The following MRTFB variants were observed in gnomAD, a reference collection of about 807,000 sequenced individuals.
MRTFB encodes myocardin-related transcription factor B.
A neutral mutation model predicts 104.2 loss-of-function variants in MRTFB; 29 were observed. The ratio of observed to expected loss-of-function variants is 0.28; its 90% CI spans 0.21 to 0.38. The LOEUF is 0.38. Ranked by LOEUF, MRTFB falls within the 10% of genes least tolerant of loss-of-function variation. MRTFB has a pLI of 1.00. For synonymous variants in MRTFB, 535 were observed against 519.5 expected (o/e 1.03, Z -0.41); for missense variants, 1,270 against 1,341.6 (o/e 0.95, Z 0.83).
At chr16:14,118,046 TATAAA>T (rs2036632405) in intron 2 of MRTFB, among the ~76,000 whole-genome samples, 1 of 152,072 alleles carries the variant, frequency 6.6e-6, no homozygotes, top group African/African-American at 2.4e-5. Flanking sequence ...GAAAAAATGA[TATAAA>T]ATAGAATAGA....
chr16:14,029,469 AAC>A, the MRTFB span, among the ~76,000 whole-genome samples: 2 of 128,830 alleles, frequency 1.6e-5, no homozygotes, highest in Non-Finnish European at 1.7e-5. Flanking sequence ...CATATATATA[AAC>A]ACACACATAT....
intron 3 of MRTFB, among the ~76,000 whole-genome samples, chr16:14,183,252 C>T (rs1422615411): frequency 1.3e-5 from 2 of 152,086 alleles, no homozygotes; most frequent in Non-Finnish European, 2.9e-5. Flanking sequence ...ATCCTAAGGA[C>T]AGAACAGACA....
At chr16:14,005,907 G>A in the MRTFB span, among the ~76,000 whole-genome samples, 4 of 152,226 alleles carry the variant, frequency 2.6e-5, no homozygotes, top group African/African-American at 7.2e-5. Flanking sequence ...CCACTGCCAA[G>A]CTTAAGAATG....
intron 2 of MRTFB, among the ~76,000 whole-genome samples, chr16:14,087,373 G>A (rs557871799): frequency 6.6e-6 from 1 of 152,250 alleles, no homozygotes; most frequent in South Asian, 2.1e-4. Context: ...CTAACTCTGG[G>A]CACTTTGTTT....
chr16:14,151,312 A>T (rs1289883474), intron 3 of MRTFB: 3 of 152,224 alleles, frequency 2.0e-5, no homozygotes, highest in Non-Finnish European at 4.4e-5. Flanking sequence ...CATTCACAAC[A>T]TACCTAACTT....
rs921880466 is a variant in MRTFB at position 14,248,818 on chromosome 16, T to C, written c.2248-108T>C. 8.6e-5 allele frequency: 103 copies of C among 1,203,872 alleles called. 1 individual carries two copies. The South Asian group carries it at 1.6e-3, about 18-fold the overall frequency. 74.6% of individuals were successfully genotyped at this position (1,203,872 alleles called of 1,614,324 possible). A position where few individuals can be genotyped will look rare whatever the true frequency, so the allele number is the denominator to read the frequency against. On this transcript the variant is annotated intron_variant, in intron 12 of 16. Coordinates refer to ENST00000571589, the MANE Select transcript of MRTFB (RefSeq NM_001308142.2). ...GTGTGTATCTGTAACCTTGGTCTTA[T>C]TTCATTTAGATACAATCCCCAAGTG...
the MRTFB span, among the ~76,000 whole-genome samples, chr16:14,030,895 G>A: frequency 1.3e-5 from 2 of 152,302 alleles, no homozygotes; most frequent in East Asian, 3.9e-4. Context: ...CTGCAGGTTA[G>A]GAACAGGAGA....
chr16:14,218,367 GTTTT>G (rs1224366908), intron 7 of MRTFB, among the ~76,000 whole-genome samples: 1 of 152,076 alleles, frequency 6.6e-6, no homozygotes, highest in Non-Finnish European at 1.5e-5. Flanking sequence ...CCTGTCACGT[GTTTT>G]TTTAACAGTT....
At chr16:14,058,507 G>C in the MRTFB span, among the ~76,000 whole-genome samples, 2 of 151,884 alleles carry the variant, frequency 1.3e-5, no homozygotes, top group South Asian at 4.2e-4. Flanking sequence ...TGTGAGGTAG[G>C]TACTGTCTCA....
At chr16:14,144,742 G>T (rs994988426) in intron 3 of MRTFB, 1 of 151,862 alleles carries the variant, frequency 6.6e-6, no homozygotes, top group African/African-American at 2.4e-5. Flanking sequence ...AAGGTCAGGA[G>T]ATCGAGACCA....
At chr16:14,220,030 C>T (rs1597285048) in intron 8 of MRTFB, among the ~76,000 whole-genome samples, 1 of 152,090 alleles carries the variant, frequency 6.6e-6, no homozygotes, top group African/African-American at 2.4e-5. Flanking sequence ...AATGTAGAGC[C>T]GCTACAGCTT....
the MRTFB span, among the ~76,000 whole-genome samples, chr16:14,016,218 A>G: frequency 2.0e-5 from 3 of 152,272 alleles, no homozygotes; most frequent in South Asian, 6.2e-4. Flanking sequence ...GAAAGTTAGA[A>G]GAGTCATCTC....
chr16:14,105,223 C>T (rs1008204870), intron 2 of MRTFB, among the ~76,000 whole-genome samples: 2 of 152,116 alleles, frequency 1.3e-5, no homozygotes, highest in Non-Finnish European at 2.9e-5. Flanking sequence ...TCATACTACC[C>T]CTTGTACCTC....
the MRTFB span, among the ~76,000 whole-genome samples, chr16:14,046,999 A>G: frequency 6.6e-6 from 1 of 152,140 alleles, no homozygotes; most frequent in Non-Finnish European, 1.5e-5. Context: ...TAGTTACTGA[A>G]CTCTATCATA....
At chr16:14,082,793 A>G (rs888456379) in intron 2 of MRTFB, among the ~76,000 whole-genome samples, 2 of 152,074 alleles carry the variant, frequency 1.3e-5, no homozygotes, top group African/African-American at 4.8e-5. Flanking sequence ...AAATAATAAT[A>G]TATAAATAAA....
chr16:14,092,362 T>G (rs2035129504), intron 2 of MRTFB, among the ~76,000 whole-genome samples: 1 of 152,208 alleles, frequency 6.6e-6, no homozygotes. Flanking sequence ...TTAGATTGTT[T>G]GATTGGATCT....
At chr16:14,224,963 G>A (rs2041932306) in intron 8 of MRTFB, among the ~76,000 whole-genome samples, 1 of 152,180 alleles carries the variant, frequency 6.6e-6, no homozygotes, top group Non-Finnish European at 1.5e-5. Context: ...AAAGCGAGCG[G>A]ATCACCTGAG....
At chr16:14,201,970 C>G (rs2040725802) in intron 3 of MRTFB, among the ~76,000 whole-genome samples, 1 of 152,172 alleles carries the variant, frequency 6.6e-6, no homozygotes, top group Non-Finnish European at 1.5e-5. Flanking sequence ...TTGTTGAAGT[C>G]TTAATCAGCA....
intron 3 of MRTFB, among the ~76,000 whole-genome samples, chr16:14,199,438 A>T (rs1382053608): frequency 1.3e-5 from 2 of 152,214 alleles, no homozygotes; most frequent in Admixed American, 6.5e-5. Context: ...GACCTTCTGA[A>T]ATCGGGACCC....
Sources: allele counts gnomAD v4.1 joint callset (sites outside exome capture counted in the v4.1 genomes callset), GRCh38; gene constraint gnomAD v4.1.1; transcripts MANE v1.5; gene names NCBI Gene and HGNC (gene_info 2026-07-23, HGNC 2026-07-21).